Variants in GIGYF2 observed in about 807,000 individuals in gnomAD.
GIGYF2 encodes the protein GRB10-interacting GYF protein 2.
Under a neutral mutation model 208.1 loss-of-function variants are expected in GIGYF2, and 25 were observed. The observed-to-expected ratio is 0.12, with a 90% CI of 0.09 to 0.17. The LOEUF (loss-of-function observed/expected upper bound fraction) is 0.17. Ranked by LOEUF, GIGYF2 falls within the 10% of genes least tolerant of loss-of-function variation. The probability of loss-of-function intolerance (pLI) is 1.00; values close to 1 mark genes in which losing one functional copy is unlikely to be tolerated. For synonymous variants in GIGYF2, 534 were observed against 543.8 expected, an observed-to-expected ratio of 0.98 and a Z score of 0.25; for missense variants, 1,302 against 1,579.4, an observed-to-expected ratio of 0.82 and a Z score of 2.98.
At chr2:232,737,978 A>G (rs1292024638) in intron 3 of GIGYF2, among the ~76,000 whole-genome samples, 2 of 137,440 alleles carry the variant, frequency 1.5e-5, no homozygotes, top group Non-Finnish European at 3.0e-5. Context: ...GTGCAGTGGC[A>G]TGATCTCAGC....
At chr2:232,811,982 G>T (rs1377882945) in intron 17 of GIGYF2, among the ~76,000 whole-genome samples, 1 of 152,130 alleles carries the variant, frequency 6.6e-6, no homozygotes, top group Non-Finnish European at 1.5e-5. Context: ...GAGGCTGTAG[G>T]ACTTGATTAA....
At chr2:232,849,997 G>A (rs1036345238) in intron 27 of GIGYF2, among the ~76,000 whole-genome samples, 2 of 152,136 alleles carry the variant, frequency 1.3e-5, no homozygotes, top group African/African-American at 2.4e-5. Context: ...AAGTTCTGCC[G>A]TCACAGCAGG....
intron 1 of GIGYF2, 91 bp from the exon 2 acceptor site, chr2:232,703,333 C>T (rs1031651750): frequency 6.6e-6 from 1 of 152,618 alleles, no homozygotes; most frequent in Non-Finnish European, 1.5e-5. Flanking sequence ...AAGCCATTTT[C>T]TGCAAAGTAT....
chr2:232,711,231 G>A (rs921624418), intron 2 of GIGYF2, among the ~76,000 whole-genome samples: 25 of 149,928 alleles, frequency 1.7e-4, no homozygotes, highest in Middle Eastern at 3.4e-3. Flanking sequence ...GGGACTCCAG[G>A]CGTGCCACCA....
chr2:232,812,330 TC>T, intron 17 of GIGYF2, 60 bp from the exon 18 acceptor site: 1 of 771,276 alleles, frequency 1.3e-6, no homozygotes. Context: ...TTCCTCTTCA[TC>T]TTTTTTTTTT....
chr2:232,826,283 C>G (rs1161981055), intron 21 of GIGYF2, among the ~76,000 whole-genome samples: 1 of 152,206 alleles, frequency 6.6e-6, no homozygotes, highest in African/African-American at 2.4e-5. Context: ...GCCACACTGT[C>G]TTCCACAATG....
At chr2:232,779,094 C>T (rs566535035) in intron 8 of GIGYF2, among the ~76,000 whole-genome samples, 7 of 152,218 alleles carry the variant, frequency 4.6e-5, no homozygotes, top group Non-Finnish European at 7.4e-5. Context: ...TGAGATGACA[C>T]GGATATTGGC....
chr2:232,735,429 A>T, intron 3 of GIGYF2, 191 bp downstream of exon 3: 1 of 497,430 alleles, frequency 2.0e-6, no homozygotes, highest in Non-Finnish European at 3.5e-6. Context: ...ACTTAATTAA[A>T]ATTTTTTTTC....
intron 14 of GIGYF2, among the ~76,000 whole-genome samples, chr2:232,803,302 C>CT (rs1700455949): frequency 6.6e-6 from 1 of 152,136 alleles, no homozygotes. Context: ...TTAATAGAGT[C>CT]TTTCACAGAG....
intron 20 of GIGYF2, among the ~76,000 whole-genome samples, chr2:232,819,084 T>C (rs1209462047): frequency 1.3e-5 from 2 of 152,146 alleles, no homozygotes; most frequent in African/African-American, 4.8e-5. Flanking sequence ...ACTCTTTTAA[T>C]AGCCCCACAG....
intron 22 of GIGYF2, among the ~76,000 whole-genome samples, chr2:232,838,257 T>C (rs1195561441): frequency 6.6e-6 from 1 of 152,080 alleles, no homozygotes; most frequent in Non-Finnish European, 1.5e-5. Flanking sequence ...TGTATGTATA[T>C]GTATATGTGT....
In GIGYF2 at chr2:232,764,838, T is replaced by G. The variant is rs148056309; in HGVS notation, c.532+3402T>G. Among the ~76,000 whole-genome samples the G allele has an allele frequency of 3.3e-3, 506 of 152,322 alleles. 4 individuals are homozygous for G. The highest frequency in any genetic ancestry group is 0.011 in the African/African-American group (461 of 41,584). On this transcript the variant is annotated intron_variant, in intron 8 of 28. Coordinates refer to ENST00000373563, the MANE Select transcript of GIGYF2 (RefSeq NM_001103146.3). ...GGTGGTTTGGAATAGTCAAGTTTAG[T>G]CGTTGTTATTTGTGGTTTTCATATT...
chr2:232,812,593 T>TTGTA, intron 18 of GIGYF2, 102 bp downstream of exon 18: 1 of 676,164 alleles, frequency 1.5e-6, no homozygotes, highest in South Asian at 1.6e-5. Context: ...TCTGAATCCA[T>TTGTA]TTTGTATTTG....
intron 3 of GIGYF2, among the ~76,000 whole-genome samples, chr2:232,741,474 A>C: frequency 6.9e-6 from 1 of 144,896 alleles, no homozygotes; most frequent in African/African-American, 2.6e-5. Flanking sequence ...ATGGAATCTC[A>C]CTCTGTCACC....
intron 6 of GIGYF2, among the ~76,000 whole-genome samples, chr2:232,757,354 G>T (rs1002793177): frequency 6.6e-6 from 1 of 152,018 alleles, no homozygotes; most frequent in African/African-American, 2.4e-5. Context: ...CATCTTTAGA[G>T]AATATTTTTT....
intron 2 of GIGYF2, among the ~76,000 whole-genome samples, chr2:232,704,964 A>G (rs1193281411): frequency 2.7e-5 from 4 of 146,578 alleles, no homozygotes; most frequent in East Asian, 2.0e-4. Context: ...GGTTCACGCA[A>G]TTCTCCTGCC....
chr2:232,701,925 T>C (rs1419643077), intron 1 of GIGYF2, among the ~76,000 whole-genome samples: 1 of 152,072 alleles, frequency 6.6e-6, no homozygotes, highest in Non-Finnish European at 1.5e-5. Flanking sequence ...CCCGGCACTT[T>C]GGGAGGCTGA....
intron 2 of GIGYF2, among the ~76,000 whole-genome samples, chr2:232,726,451 G>A (rs1347386435): frequency 6.6e-6 from 1 of 151,820 alleles, no homozygotes; most frequent in Admixed American, 6.6e-5. Context: ...TTTAAAAAGA[G>A]CAAAGTAAAT....
intron 2 of GIGYF2, among the ~76,000 whole-genome samples, chr2:232,717,969 T>C (rs1239752541): frequency 1.3e-5 from 2 of 152,178 alleles, no homozygotes; most frequent in East Asian, 3.8e-4. Flanking sequence ...AGTACTCTTC[T>C]TGAACATCAC....
Sources: allele counts gnomAD v4.1 joint callset (sites outside exome capture counted in the v4.1 genomes callset), GRCh38; gene constraint gnomAD v4.1.1; transcripts MANE v1.5; gene names NCBI Gene and HGNC (gene_info 2026-07-23, HGNC 2026-07-21).